The following DUSP12 variants were observed in gnomAD, a reference collection of about 807,000 sequenced individuals.
The protein encoded by DUSP12 is dual specificity protein phosphatase 12.
Under a neutral mutation model 38.9 loss-of-function variants are expected in DUSP12, and 25 were observed. The ratio of observed to expected loss-of-function variants is 0.64; its 90% CI spans 0.47 to 0.90. The LOEUF (loss-of-function observed/expected upper bound fraction) is 0.90. Among genes scored for constraint, DUSP12 ranks in the 40% least tolerant of loss-of-function variants. The probability of loss-of-function intolerance (pLI) is 0.00; values close to 1 mark genes in which losing one functional copy is unlikely to be tolerated. For missense variants in DUSP12, 403 were observed against 427.0 expected, an observed-to-expected ratio of 0.94 and a Z score of 0.50; for synonymous variants, 153 against 153.9, an observed-to-expected ratio of 0.99 and a Z score of 0.05.
At chr1:161,753,321 G>T in intron 5 of DUSP12, 60 bp downstream of exon 5, 2 of 1,352,910 alleles carry the variant, frequency 1.5e-6, no homozygotes, top group South Asian at 1.7e-5. Context: ...ATTCCTTCTT[G>T]CATTTTAAGC....
In DUSP12 at chr1:161,756,779, A is replaced by C; in HGVS notation, c.862-7A>C. 6.2e-7 allele frequency: 1 copy of C among 1,610,230 alleles called. No individual in the cohort carries two copies. The highest frequency in any genetic ancestry group is 1.3e-5 in the African/African-American group (1 of 74,916). On this transcript the variant is annotated splice_region_variant and splice_polypyrimidine_tract_variant and intron_variant, in intron 5 of 5. Transcript: ENST00000367943. ...ATGAATAAAGTAACACATTTGCTTT[A>C]TTTCAGCTTCTTTGCCCAAAATGCA...
intron 3 of DUSP12, 65 bp from the exon 4 acceptor site, chr1:161,752,303 C>A: frequency 4.4e-6 from 5 of 1,127,958 alleles, no homozygotes; most frequent in Non-Finnish European, 6.6e-6. Context: ...TTGACATTAA[C>A]TGAATTTATC....
chr1:161,755,939 C>T (rs1684099908), intron 5 of DUSP12, among the ~76,000 whole-genome samples: 1 of 152,160 alleles, frequency 6.6e-6, no homozygotes, highest in South Asian at 2.1e-4. Flanking sequence ...TCACTGCAAC[C>T]TCCGCCTTCT....
In DUSP12 at chr1:161,755,237, A is replaced by G. The variant is rs113165005; in HGVS notation, c.862-1549A>G. On this transcript the variant is annotated intron_variant, in intron 5 of 5. Coordinates refer to ENST00000367943, the MANE Select transcript of DUSP12 (RefSeq NM_007240.3). ...TTGTGGCTTGTGATTCTGGCTTTCT[A>G]ATTTTACTTAACCTGGGAAACACAC... is the stretch of plus-strand genomic sequence containing the variant. Among the ~76,000 whole-genome samples, 27 of 152,184 alleles carry G rather than the reference A, an allele frequency of 1.8e-4. 1 individual carries two copies. Among genetic ancestry groups the G allele is most frequent in the African/African-American group, 6.5e-4 (27 of 41,512 alleles).
Position 161,756,953 on chromosome 1 carries a change from A to G in DUSP12, c.*6A>G, listed in dbSNP as rs755208668. On this transcript the variant is annotated 3_prime_UTR_variant, in exon 6 of 6. Coordinates refer to ENST00000367943, the MANE Select transcript of DUSP12 (RefSeq NM_007240.3). Reference sequence around the variant, plus strand: ...CACAAACAGGAAAAATATGAACATGATATTTTATAGCTTGGGAAGAAACTT... The same window carrying G: ...CACAAACAGGAAAAATATGAACATGGTATTTTATAGCTTGGGAAGAAACTT... 3 of 1,610,322 alleles carry G rather than the reference A, an allele frequency of 1.9e-6. No individual in the cohort carries two copies. Among genetic ancestry groups the G allele is most frequent in the Non-Finnish European group, 2.5e-6 (3 of 1,177,280 alleles).
Position 161,756,953 on chromosome 1 carries a change from A to AT in DUSP12, c.*7dup. The AT allele has an allele frequency of 6.2e-7, 1 of 1,610,322 alleles. No individual in the cohort carries two copies. Among genetic ancestry groups the AT allele is most frequent in the Non-Finnish European group, 8.5e-7 (1 of 1,177,280 alleles). On this transcript the variant is annotated 3_prime_UTR_variant, in exon 6 of 6. Transcript: ENST00000367943. ...CACAAACAGGAAAAATATGAACATGATATTTTATAGCTTGGGAAGAAACTT... is the reference window on the plus strand; with the variant it reads ...CACAAACAGGAAAAATATGAACATGATTATTTTATAGCTTGGGAAGAAACTT...
At position 161,752,872 on chromosome 1, in the gene DUSP12, C is replaced by T. The variant is rs985196871; in HGVS notation, c.675-203C>T. The stretch of plus-strand genomic sequence containing the variant: ...GGGCATGGTGGCTGGTGCCTGTAAT[C>T]CCAGCTACTCAGGAGGCTGAGGCAG... On this transcript the variant is annotated intron_variant, in intron 4 of 5. Transcript: ENST00000367943. Among the ~76,000 whole-genome samples, 5 of 151,960 alleles carry T rather than the reference C, an allele frequency of 3.3e-5. No individual in the cohort carries two copies. In the East Asian group the frequency reaches 9.6e-4, roughly 29 times the overall value.
In DUSP12 at chr1:161,756,987, T is replaced by A; in HGVS notation, c.*40T>A. ...AGCTTGGGAAGAAACTTGCAGATGA[T>A]ATGTGCTGCCTTTGCTTCTTATCAT... On this transcript the variant is annotated 3_prime_UTR_variant, in exon 6 of 6. Transcript: ENST00000367943. 6.3e-7 allele frequency: 1 copy of A among 1,585,388 alleles called. No homozygotes were observed. Among genetic ancestry groups the A allele is most frequent in the Non-Finnish European group, 8.6e-7 (1 of 1,160,128 alleles).
At position 161,750,016 on chromosome 1, in the gene DUSP12, T is replaced by C; in HGVS notation, c.215T>C (p.Val72Ala). 6.2e-7 allele frequency: 1 copy of C among 1,613,634 alleles called. No individual in the cohort carries two copies. The highest frequency in any genetic ancestry group is 2.2e-5 in the East Asian group (1 of 44,872). Reference sequence around the variant, plus strand: ...CCCAGCTTCAAGGCGGGGCCTGGGGTCGAGGATCTATGGCGCCTCTTCGTG... The same window carrying C: ...CCCAGCTTCAAGGCGGGGCCTGGGGCCGAGGATCTATGGCGCCTCTTCGTG... ...EEPSFKAGPG[V>A]EDLWRLFVPA... The change falls in exon 1 of 6, where the codon GTC (valine) becomes GCC (alanine). Residue 72 changes from valine (V) to alanine (A), a missense_variant. Transcript: ENST00000367943.
chr1:161,755,180 T>C (rs1358593763), intron 5 of DUSP12, among the ~76,000 whole-genome samples: 1 of 152,210 alleles, frequency 6.6e-6, no homozygotes, highest in Non-Finnish European at 1.5e-5. Context: ...GATTTTAATT[T>C]TGATGGTATC....
chr1:161,755,771 A>G (rs1156575192), intron 5 of DUSP12, among the ~76,000 whole-genome samples: 4 of 152,180 alleles, frequency 2.6e-5, no homozygotes, highest in South Asian at 2.1e-4. Context: ...TCTTCAGTCT[A>G]TTGCTTATCA....
chr1:161,755,839 G>T (rs1684098580), intron 5 of DUSP12, among the ~76,000 whole-genome samples: 1 of 152,036 alleles, frequency 6.6e-6, no homozygotes, highest in Non-Finnish European at 1.5e-5. Flanking sequence ...AAATTTGTTA[G>T]TTTTTTTATT....
chr1:161,754,801 G>A (rs371290364), intron 5 of DUSP12, among the ~76,000 whole-genome samples: 25 of 152,138 alleles, frequency 1.6e-4, no homozygotes, highest in African/African-American at 6.0e-4. Flanking sequence ...GAACCAAACC[G>A]TATCACATCA....
rs376786106 is a variant in DUSP12 at position 161,751,541 on chromosome 1, A to G, written c.345-127A>G. 2.8e-5 allele frequency: 33 copies of G among 1,160,748 alleles called. No individual in the cohort carries two copies. The East Asian group carries it at 5.7e-4, about 20-fold the overall frequency. 71.9% of individuals were successfully genotyped at this position (1,160,748 alleles called of 1,614,324 possible). A position where few individuals can be genotyped will look rare whatever the true frequency, so the allele number is the denominator to read the frequency against. ...GTACCTTGATAATATTTCAGAGGCA[A>G]TGGGCTTATTTGAGAAGCAAAAATG... On this transcript the variant is annotated intron_variant, in intron 1 of 5. Transcript: ENST00000367943.
At chr1:161,752,329 G>A (rs757031203) in intron 3 of DUSP12, 39 bp from the exon 4 acceptor site, 7 of 1,428,612 alleles carry the variant, frequency 4.9e-6, no homozygotes, top group Non-Finnish European at 6.9e-6. Flanking sequence ...ATGCAGAGTT[G>A]ATTTTGACAA....
intron 5 of DUSP12, among the ~76,000 whole-genome samples, chr1:161,754,024 CTTGG>C (rs1199878405): frequency 6.6e-6 from 1 of 152,078 alleles, no homozygotes; most frequent in East Asian, 1.9e-4. Context: ...AAGTGTTTAA[CTTGG>C]TTGGAGTGTG....
At chr1:161,750,968 T>A (rs1684010233) in intron 1 of DUSP12, among the ~76,000 whole-genome samples, 1 of 152,126 alleles carries the variant, frequency 6.6e-6, no homozygotes, top group Non-Finnish European at 1.5e-5. Flanking sequence ...CAGTTCTTGG[T>A]TGGATTGGAG....
chr1:161,753,022 T>G, intron 4 of DUSP12, 53 bp from the exon 5 acceptor site: 6 of 1,487,014 alleles, frequency 4.0e-6, no homozygotes, highest in East Asian at 2.3e-5. Flanking sequence ...ATTTCATCCA[T>G]GTTTTCATCC....
intron 1 of DUSP12, 53 bp from the exon 2 acceptor site, chr1:161,751,615 T>G (rs768257558): frequency 3.6e-5 from 56 of 1,565,398 alleles, no homozygotes; most frequent in Non-Finnish European, 4.5e-5. Flanking sequence ...TTTGTGTGTT[T>G]TTTTTTTTAA....
Sources: gnomAD v4.1 joint callset for allele counts (sites outside exome capture counted in the v4.1 genomes callset) on GRCh38, gnomAD v4.1.1 for gene constraint, MANE v1.5 for transcripts, NCBI Gene and HGNC (gene_info 2026-07-23, HGNC 2026-07-21) for gene names.